The following FRYL variants were observed in gnomAD, a reference collection of about 807,000 sequenced individuals.
FRYL encodes FRY like transcription coactivator.
Under a neutral mutation model 351.2 loss-of-function variants are expected in FRYL, and 150 were observed. The observed-to-expected ratio is 0.43, with a 90% CI of 0.37 to 0.49. The LOEUF (loss-of-function observed/expected upper bound fraction) is 0.49, where lower values mean the gene tolerates loss of function less well. Among genes scored for constraint, FRYL ranks in the 20% least tolerant of loss-of-function variants. FRYL has a pLI of 0.00. For synonymous variants in FRYL, 1,153 were observed against 1,257.1 expected (o/e 0.92, Z 1.75); for missense variants, 3,036 against 3,619.3 (o/e 0.84, Z 4.13).
At chr4:48,739,558 CA>C (rs370039890) in intron 1 of FRYL, among the ~76,000 whole-genome samples, 41 of 147,178 alleles carry the variant, frequency 2.8e-4, no homozygotes, top group African/African-American at 9.0e-4. Context: ...AAACTCACCA[CA>C]AAAAAAAAAC....
At chr4:48,713,630 A>G (rs1248120703) in intron 1 of FRYL, among the ~76,000 whole-genome samples, 2 of 152,184 alleles carry the variant, frequency 1.3e-5, no homozygotes, top group Non-Finnish European at 2.9e-5. Flanking sequence ...GCAAGTCCTG[A>G]GTGACCTACA....
intron 59 of FRYL, among the ~76,000 whole-genome samples, 188 bp downstream of exon 59, chr4:48,509,871 G>A (rs1187190214): frequency 6.6e-6 from 1 of 152,152 alleles, no homozygotes; most frequent in African/African-American, 2.4e-5. Context: ...TGCTGTTAGA[G>A]GACTGATTTT....
At chr4:48,592,624 C>A (rs1359452957) in intron 16 of FRYL, among the ~76,000 whole-genome samples, 3 of 152,046 alleles carry the variant, frequency 2.0e-5, no homozygotes, top group African/African-American at 7.2e-5. Flanking sequence ...ATTTTTGTTG[C>A]TGGAAACCAT....
chr4:48,711,975 T>C (rs1297092227), intron 1 of FRYL, among the ~76,000 whole-genome samples: 1 of 152,186 alleles, frequency 6.6e-6, no homozygotes, highest in Non-Finnish European at 1.5e-5. Context: ...AGTGGACCTT[T>C]AGCAAACTCC....
chr4:48,563,215 C>T (rs1441392737), intron 31 of FRYL, among the ~76,000 whole-genome samples: 1 of 151,554 alleles, frequency 6.6e-6, no homozygotes, highest in East Asian at 1.9e-4. Context: ...TTTGGCTTCC[C>T]TGGGCCATAT....
At chr4:48,684,030 T>C (rs938937031) in intron 3 of FRYL, among the ~76,000 whole-genome samples, 2 of 152,150 alleles carry the variant, frequency 1.3e-5, no homozygotes, top group African/African-American at 4.8e-5. Context: ...AAGACAACCA[T>C]TTGTGTCACT....
intron 8 of FRYL, 105 bp from the exon 9 acceptor site, chr4:48,609,172 C>G (rs2149275537): frequency 1.5e-6 from 1 of 685,714 alleles, no homozygotes; most frequent in Middle Eastern, 4.0e-4. Context: ...ATAATTTTCT[C>G]TGAATATTCA....
At position 48,543,834 on chromosome 4, in the gene FRYL, A is replaced by G; in HGVS notation, c.5565T>C (p.Thr1855=). 2 of 1,613,660 alleles carry G rather than the reference A, an allele frequency of 1.2e-6. No homozygotes were observed. Among genetic ancestry groups the G allele is most frequent in the Non-Finnish European group, 1.7e-6 (2 of 1,179,712 alleles). ...LSDVLSRLVE[T]VGDPGEDAQG... ...GTGCATCTTCTCCTGGATCCCCTAC[A>G]GTTTCTACAAGTCTGGAGAGAACAT... is the stretch of plus-strand genomic sequence containing the variant. Residue 1855 remains threonine, a synonymous_variant, in exon 44 of 64, where the codon ACT becomes ACC. Coordinates refer to ENST00000358350, the MANE Select transcript of FRYL (RefSeq NM_015030.2).
Position 48,768,672 on chromosome 4 carries a change from G to A in FRYL, c.-384+11406C>T, listed in dbSNP as rs184364174. ...ACAAAAATTAGCCGGGTGTGGTGGC[G>A]GGCGCCTGTAATCCCAGCTACTCAG... is the stretch of plus-strand genomic sequence containing the variant. On this transcript the variant is annotated intron_variant, in intron 1 of 63. Coordinates refer to ENST00000358350, the MANE Select transcript of FRYL (RefSeq NM_015030.2). Among the ~76,000 whole-genome samples the A allele has an allele frequency of 1.1e-3, 162 of 152,078 alleles. 1 individual carries two copies. Among genetic ancestry groups the A allele is most frequent in the African/African-American group, 3.7e-3 (154 of 41,494 alleles).
intron 50 of FRYL, among the ~76,000 whole-genome samples, chr4:48,529,815 A>T (rs1445267545): frequency 6.6e-6 from 1 of 152,168 alleles, no homozygotes; most frequent in Non-Finnish European, 1.5e-5. Flanking sequence ...CCAGAGGGAA[A>T]AAAAATCGGG....
At chr4:48,683,409 A>C (rs985817871) in intron 3 of FRYL, among the ~76,000 whole-genome samples, 16 of 151,652 alleles carry the variant, frequency 1.1e-4, no homozygotes, top group Admixed American at 6.6e-4. Flanking sequence ...CCCAGAACTT[A>C]AAGTATAATT....
intron 2 of FRYL, among the ~76,000 whole-genome samples, chr4:48,690,830 T>C (rs1480791591): frequency 6.6e-6 from 1 of 152,170 alleles, no homozygotes; most frequent in African/African-American, 2.4e-5. Flanking sequence ...GTATAGATGA[T>C]AGCTATATTT....
At chr4:48,661,373 G>C (rs1760683267) in intron 3 of FRYL, among the ~76,000 whole-genome samples, 1 of 152,116 alleles carries the variant, frequency 6.6e-6, no homozygotes, top group African/African-American at 2.4e-5. Flanking sequence ...ACAAATAAGA[G>C]GAACACTACA....
intron 1 of FRYL, among the ~76,000 whole-genome samples, chr4:48,755,759 G>A (rs762841372): frequency 1.3e-5 from 2 of 151,934 alleles, no homozygotes; most frequent in Non-Finnish European, 2.9e-5. Context: ...AAAACATACT[G>A]AGATTTTTAT....
At chr4:48,547,467 A>T in intron 41 of FRYL, 117 bp downstream of exon 41, 1 of 502,744 alleles carries the variant, frequency 2.0e-6, no homozygotes, top group Non-Finnish European at 3.4e-6. Flanking sequence ...TAATACAACT[A>T]CATTTTTAAA....
rs527424837 is a variant in FRYL, at chr4:48,711,712, G to A, written c.-383-1014C>T. ...CTGTCTGACAGCTTTGAAGAGAGCAGTGGTTCTCCCAGCATGCAGCTGGAG... is the reference window on the plus strand; with the variant it reads ...CTGTCTGACAGCTTTGAAGAGAGCAATGGTTCTCCCAGCATGCAGCTGGAG... On this transcript the variant is annotated intron_variant, in intron 1 of 63. Coordinates refer to ENST00000358350, the MANE Select transcript of FRYL (RefSeq NM_015030.2). Among the ~76,000 whole-genome samples the A allele has an allele frequency of 5.4e-4, 82 of 152,332 alleles. 1 individual carries two copies. The highest frequency in any genetic ancestry group is 1.9e-3 in the African/African-American group (78 of 41,588).
chr4:48,776,049 AAAAAAG>A (rs1301877501), intron 1 of FRYL, among the ~76,000 whole-genome samples: 27 of 151,802 alleles, frequency 1.8e-4, no homozygotes, highest in African/African-American at 6.3e-4. Context: ...AGGTTAAAAA[AAAAAAG>A]AAAAAGAAAA....
intron 1 of FRYL, among the ~76,000 whole-genome samples, chr4:48,736,212 A>T (rs1332562741): frequency 6.6e-6 from 1 of 152,096 alleles, no homozygotes; most frequent in Non-Finnish European, 1.5e-5. Context: ...GATGCAACAA[A>T]TGAAATGCTT....
intron 7 of FRYL, among the ~76,000 whole-genome samples, chr4:48,611,087 T>C (rs1462518842): frequency 6.6e-6 from 1 of 151,886 alleles, no homozygotes; most frequent in Non-Finnish European, 1.5e-5. Context: ...CATCCTTCAG[T>C]ATATATGGTG....
Sources: allele counts gnomAD v4.1 joint callset (sites outside exome capture counted in the v4.1 genomes callset), GRCh38; gene constraint gnomAD v4.1.1; transcripts MANE v1.5; gene names NCBI Gene and HGNC (gene_info 2026-07-23, HGNC 2026-07-21).